Variants in ITFG2 observed in about 807,000 individuals in gnomAD.
ITFG2 encodes the protein KICSTOR complex protein ITFG2.
A neutral mutation model predicts 54.4 loss-of-function variants in ITFG2; 36 were observed. The ratio of observed to expected loss-of-function variants is 0.66; its 90% CI spans 0.51 to 0.87. The LOEUF is 0.87. Ranked by LOEUF, ITFG2 falls within the 40% of genes least tolerant of loss-of-function variation. The pLI is 0.00. For missense variants in ITFG2, 524 were observed against 576.7 expected (o/e 0.91, Z 0.94); for synonymous variants, 211 against 225.4 (o/e 0.94, Z 0.57).
At chr12:2,846,475 AC>A (rs780559114) in intron 2 of ITFG2, among the ~76,000 whole-genome samples, 2 of 151,554 alleles carry the variant, frequency 1.3e-5, no homozygotes, top group Non-Finnish European at 2.9e-5. Context: ...GCTCCAGCAC[AC>A]CCCTCCCGTC....
At chr12:2,859,014 G>C (rs1279217207) in intron 3 of ITFG2, 1 of 1,612,316 alleles carries the variant, frequency 6.2e-7, no homozygotes, top group Non-Finnish European at 8.5e-7. Flanking sequence ...GGTTTGTACT[G>C]GGCTGAAATC....
At chr12:2,852,546 T>C (rs1385138308) in intron 2 of ITFG2, among the ~76,000 whole-genome samples, 1 of 152,022 alleles carries the variant, frequency 6.6e-6, no homozygotes, top group Non-Finnish European at 1.5e-5. Context: ...TTTTGATATT[T>C]TTGTGGAGAC....
chr12:2,821,325 T>C lies in ITFG2; in HGVS notation c.759T>C (p.Asn253=). ...HQTSGRIHNK[N]VSTHLIGNIK... is the part of the protein sequence containing the mutation. ...CATCTGGCCGTATCCACAACAAGAA[T>C]GTCTCCACTCACCTAATTGGCAACA... Residue 253 remains asparagine (N), a synonymous_variant, in exon 7 of 12, where the codon AAT becomes AAC. Coordinates refer to ENST00000228799, the MANE Select transcript of ITFG2 (RefSeq NM_018463.4). 2 of 1,609,814 alleles carry C rather than the reference T, an allele frequency of 1.2e-6. No homozygotes were observed. Among genetic ancestry groups the C allele is most frequent in the South Asian group, 2.2e-5 (2 of 90,174 alleles).
At chr12:2,847,714 T>C (rs1200875519) in intron 2 of ITFG2, among the ~76,000 whole-genome samples, 3 of 151,236 alleles carry the variant, frequency 2.0e-5, no homozygotes, top group Admixed American at 6.6e-5. Context: ...CCCCATGCCC[T>C]TCCTCCAAGC....
chr12:2,844,417 A>C (rs1254962450), intron 2 of ITFG2, among the ~76,000 whole-genome samples: 1 of 151,964 alleles, frequency 6.6e-6, no homozygotes, highest in African/African-American at 2.4e-5. Flanking sequence ...AGCTGAGCAT[A>C]GCGGTGTGCG....
At chr12:2,856,337 A>AT (rs1468071487) in intron 2 of ITFG2, among the ~76,000 whole-genome samples, 4 of 152,200 alleles carry the variant, frequency 2.6e-5, no homozygotes, top group African/African-American at 9.6e-5. Flanking sequence ...GCCTCTTTTA[A>AT]AATGCTTCGC....
At chr12:2,848,883 A>ACG (rs1248419088) in intron 2 of ITFG2, among the ~76,000 whole-genome samples, 2 of 149,182 alleles carry the variant, frequency 1.3e-5, no homozygotes, top group Non-Finnish European at 3.0e-5. Context: ...ACACGCACAC[A>ACG]CACACACACA....
chr12:2,835,124 G>T, upstream of ITFG2: 1 of 1,434,818 alleles, frequency 7.0e-7, no homozygotes, highest in Non-Finnish European at 9.1e-7. Flanking sequence ...CCCCAACGCT[G>T]GGGTCCTGGT....
chr12:2,841,821 T>C (rs4766001), intron 2 of ITFG2, among the ~76,000 whole-genome samples: 102,328 of 150,002 alleles, frequency 0.68, 35,874 homozygotes, highest in African/African-American at 0.87. Flanking sequence ...TGGGTTCAAG[T>C]GATTCTCCTG....
At chr12:2,852,977 G>A (rs2098075805) in intron 2 of ITFG2, among the ~76,000 whole-genome samples, 1 of 151,652 alleles carries the variant, frequency 6.6e-6, no homozygotes, top group African/African-American at 2.4e-5. Context: ...TCTAGCATGG[G>A]CAACAGAGGA....
chr12:2,842,659 G>A (rs2098044350), intron 2 of ITFG2, among the ~76,000 whole-genome samples: 1 of 152,142 alleles, frequency 6.6e-6, no homozygotes, highest in Admixed American at 6.5e-5. Context: ...TTGAGCGCAG[G>A]AGGTAGAGGC....
intron 2 of ITFG2, among the ~76,000 whole-genome samples, chr12:2,854,550 C>G (rs191688745): frequency 6.6e-6 from 1 of 152,184 alleles, no homozygotes; most frequent in Admixed American, 6.5e-5. Context: ...TACAACACCC[C>G]CTGTCTCGCA....
chr12:2,817,600 G>T, intron 2 of ITFG2: 1 of 513,726 alleles, frequency 1.9e-6, no homozygotes, highest in Non-Finnish European at 3.4e-6. Flanking sequence ...TTAAAGTATA[G>T]TCAAAAATGG....
Position 2,821,517 on chromosome 12 carries a change from A to G in ITFG2, c.794-26A>G, listed in dbSNP as rs778174964. Reference sequence around the variant, plus strand: ...AGGCTCTGACCTTGCCCTGCCCTTTACATATTCTTCCTCTGGTCCTCACAG... The same window carrying G: ...AGGCTCTGACCTTGCCCTGCCCTTTGCATATTCTTCCTCTGGTCCTCACAG... On this transcript the variant is annotated intron_variant, in intron 7 of 11. Coordinates refer to ENST00000228799, the MANE Select transcript of ITFG2 (RefSeq NM_018463.4). The G allele has an allele frequency of 2.8e-5, 45 of 1,613,248 alleles. 1 individual carries two copies. In the East Asian group the frequency reaches 9.1e-4, roughly 33 times the overall value.
At chr12:2,847,524 G>A (rs1245802675) in intron 2 of ITFG2, among the ~76,000 whole-genome samples, 3 of 152,052 alleles carry the variant, frequency 2.0e-5, no homozygotes, top group African/African-American at 2.4e-5. Context: ...AAAATTAGCC[G>A]GGCATCGTGG....
intron 2 of ITFG2, among the ~76,000 whole-genome samples, chr12:2,847,559 C>T (rs1333475447): frequency 6.6e-6 from 1 of 150,748 alleles, no homozygotes; most frequent in Non-Finnish European, 1.5e-5. Context: ...CCCAGCTACT[C>T]GGGAGGCTGA....
intron 2 of ITFG2, among the ~76,000 whole-genome samples, chr12:2,842,245 C>T (rs1205580654): frequency 6.6e-6 from 1 of 150,770 alleles, no homozygotes; most frequent in Non-Finnish European, 1.5e-5. Flanking sequence ...CCTCAGCCTC[C>T]CAAGTAGCTG....
intron 2 of ITFG2, chr12:2,849,239 G>C: frequency 6.5e-7 from 1 of 1,535,796 alleles, no homozygotes. Context: ...TTCTAGAAGT[G>C]TCCAGGTCTT....
chr12:2,827,056 G>A, downstream of ITFG2: 1 of 1,478,118 alleles, frequency 6.8e-7, no homozygotes, highest in Non-Finnish European at 8.9e-7. The surrounding 1 kb of genome is among the most constrained non-coding windows in gnomAD (Gnocchi z 4.0). Context: ...AATGCGGCCA[G>A]CTGGGGAAAA....
Sources: gnomAD v4.1 joint callset for allele counts (sites outside exome capture counted in the v4.1 genomes callset) on GRCh38, gnomAD v4.1.1 for gene constraint, Gnocchi (gnomAD v3.1) non-coding constraint, MANE v1.5 for transcripts, NCBI Gene and HGNC (gene_info 2026-07-23, HGNC 2026-07-21) for gene names.